LUC7L: variants seen among roughly 807,000 people sequenced by gnomAD.
The protein encoded by LUC7L is LUC7 like.
In LUC7L, 29 loss-of-function variants were observed where a neutral mutation model predicts 51.1. That is an observed-to-expected ratio of 0.57 (90% CI 0.42 to 0.77). LUC7L has a LOEUF of 0.77. Among genes scored for constraint, LUC7L ranks in the 30% least tolerant of loss-of-function variants. The pLI is 0.00. For missense variants in LUC7L, 403 were observed against 511.9 expected, an observed-to-expected ratio of 0.79 and a Z score of 2.05; for synonymous variants, 181 against 180.7, an observed-to-expected ratio of 1.00 and a Z score of -0.01.
rs186835914 is a variant in LUC7L at position 222,967 on chromosome 16, A to G, written c.157-2220T>C. Among the ~76,000 whole-genome samples the G allele has an allele frequency of 1.5e-3, 227 of 150,692 alleles. 1 individual carries two copies. The highest frequency in any genetic ancestry group is 4.2e-3 in the African/African-American group (172 of 40,568). On this transcript the variant is annotated intron_variant, in intron 2 of 9. Transcript: ENST00000293872. Reference sequence around the variant, plus strand: ...CCCGTCTTTTAAAAAAAAAAAAAAAAAAAGAAAGGAAGGCTTTAAACCTTT... The same window carrying G: ...CCCGTCTTTTAAAAAAAAAAAAAAAGAAAGAAAGGAAGGCTTTAAACCTTT...
intron 1 of LUC7L, chr16:229,017 A>G: frequency 6.9e-7 from 1 of 1,452,094 alleles, no homozygotes; most frequent in Non-Finnish European, 9.1e-7. Flanking sequence ...GGGAGGAAGT[A>G]GCAGGACGGT....
intron 5 of LUC7L, among the ~76,000 whole-genome samples, chr16:204,888 T>C (rs1178876374): frequency 6.6e-6 from 1 of 152,102 alleles, no homozygotes; most frequent in Non-Finnish European, 1.5e-5. Flanking sequence ...CTAAACACGA[T>C]GAAAAACGCC....
intron 1 of LUC7L, chr16:228,332 C>A (rs1415552754): frequency 2.3e-6 from 3 of 1,303,976 alleles, no homozygotes. Flanking sequence ...TTGTGACTCA[C>A]GGCTCGATGA....
At chr16:189,467 C>T (rs2048950969) in intron 9 of LUC7L, 128 bp from the exon 10 acceptor site, 14 of 1,427,176 alleles carry the variant, frequency 9.8e-6, no homozygotes, top group Middle Eastern at 2.6e-4. Flanking sequence ...GGAAACCCCC[C>T]GGAGGCCAAC....
chr16:225,631 C>G (rs568285887), intron 2 of LUC7L, among the ~76,000 whole-genome samples: 1 of 150,608 alleles, frequency 6.6e-6, no homozygotes, highest in African/African-American at 2.4e-5. Flanking sequence ...GGATTACAGG[C>G]ATGCGCCACC....
chr16:201,889 G>GC (rs2142061822), intron 5 of LUC7L, among the ~76,000 whole-genome samples: 1 of 151,706 alleles, frequency 6.6e-6, no homozygotes, highest in Non-Finnish European at 1.5e-5. Flanking sequence ...GATTACAGGT[G>GC]CCCGCCACCA....
At chr16:189,595 T>C (rs2048954904) in intron 9 of LUC7L, 2 of 1,355,484 alleles carry the variant, frequency 1.5e-6, no homozygotes, top group Non-Finnish European at 9.5e-7. Context: ...AATACAACAC[T>C]ATATGCACAG....
At chr16:220,525 G>C in intron 3 of LUC7L, 124 bp downstream of exon 3, 1 of 722,458 alleles carries the variant, frequency 1.4e-6, no homozygotes, top group Non-Finnish European at 2.4e-6. Flanking sequence ...CTGAGCTTGA[G>C]TGGCAGGATA....
At chr16:222,672 C>T (rs2050006421) in intron 2 of LUC7L, among the ~76,000 whole-genome samples, 1 of 149,758 alleles carries the variant, frequency 6.7e-6, no homozygotes, top group Non-Finnish European at 1.5e-5. Context: ...GAGTTTCGCT[C>T]TTGTTGCCCA....
chr16:227,913 A>G (rs8045291), intron 1 of LUC7L: 68,133 of 1,003,152 alleles, frequency 0.068, 2,430 homozygotes, highest in South Asian at 0.095. Flanking sequence ...CACTTTTAAC[A>G]AGACAATACC....
At chr16:217,038 A>T (rs950405387) in intron 3 of LUC7L, among the ~76,000 whole-genome samples, 1 of 151,534 alleles carries the variant, frequency 6.6e-6, no homozygotes, top group Non-Finnish European at 1.5e-5. Flanking sequence ...TTTGAGACAG[A>T]GTTTCGCTCT....
At chr16:192,183 C>T (rs1299697748) in intron 7 of LUC7L, among the ~76,000 whole-genome samples, 1 of 152,164 alleles carries the variant, frequency 6.6e-6, no homozygotes, top group Non-Finnish European at 1.5e-5. Context: ...CAAATCCCAT[C>T]AGTTCTATCC....
intron 3 of LUC7L, among the ~76,000 whole-genome samples, chr16:210,739 C>CA (rs1292317338): frequency 6.6e-5 from 10 of 152,294 alleles, no homozygotes. Flanking sequence ...GCTATGGACT[C>CA]AGATGTCTGA....
At chr16:203,147 A>T (rs1051841122) in intron 5 of LUC7L, among the ~76,000 whole-genome samples, 1 of 148,124 alleles carries the variant, frequency 6.8e-6, no homozygotes, top group African/African-American at 2.6e-5. Flanking sequence ...GACTCCGTGT[A>T]AAAAAAAAGT....
At chr16:218,167 G>A (rs928224356) in intron 3 of LUC7L, among the ~76,000 whole-genome samples, 6 of 151,544 alleles carry the variant, frequency 4.0e-5, no homozygotes, top group South Asian at 2.1e-4. Flanking sequence ...CACTCCAGCC[G>A]AGGCAACAAC....
At chr16:207,839 C>G (rs1163813913) in intron 4 of LUC7L, among the ~76,000 whole-genome samples, 2 of 152,166 alleles carry the variant, frequency 1.3e-5, no homozygotes, top group African/African-American at 2.4e-5. Flanking sequence ...GAAACCCCGT[C>G]TCTACTAAAA....
intron 5 of LUC7L, among the ~76,000 whole-genome samples, chr16:201,231 T>A: frequency 9.1e-6 from 1 of 109,396 alleles, no homozygotes; most frequent in African/African-American, 3.7e-5. Flanking sequence ...CATTATAGTA[T>A]GCTACATAAC....
chr16:228,424 G>A (rs1445942111), intron 1 of LUC7L: 10 of 1,284,362 alleles, frequency 7.8e-6, no homozygotes, highest in African/African-American at 1.5e-5. Flanking sequence ...AAATAGAGGG[G>A]CCACAATTGT....
Position 207,148 on chromosome 16 carries a change from G to A in LUC7L, c.366+930C>T, listed in dbSNP as rs541817684. 4.6e-5 allele frequency among the ~76,000 whole-genome samples: 7 copies of A among 151,394 alleles called. No homozygotes were observed. The East Asian group carries it at 7.8e-4, about 17-fold the overall frequency. ...CAGGAGGCGGAGCTTGCAGTGAGTC[G>A]AGATCACGCCACTGCCCTCCAGCCT... is the stretch of plus-strand genomic sequence containing the variant. On this transcript the variant is annotated intron_variant, in intron 4 of 9. Coordinates refer to ENST00000293872, the MANE Select transcript of LUC7L (RefSeq NM_201412.3).
Sources: allele counts gnomAD v4.1 joint callset (sites outside exome capture counted in the v4.1 genomes callset), GRCh38; gene constraint gnomAD v4.1.1; transcripts MANE v1.5; gene names NCBI Gene and HGNC (gene_info 2026-07-23, HGNC 2026-07-21).